GNL3L: variants seen among roughly 807,000 people sequenced by gnomAD.
The protein encoded by GNL3L is G protein nucleolar 3 like, also known as guanine nucleotide-binding protein-like 3-like protein.
Under a neutral mutation model 42.9 loss-of-function variants are expected in GNL3L, and 4 were observed. The observed-to-expected ratio is 0.09, with a 90% confidence interval of 0.05 to 0.21. The LOEUF is 0.21. Ranked by LOEUF, GNL3L falls within the 10% of genes least tolerant of loss-of-function variation. GNL3L has a pLI of 1.00. For missense variants in GNL3L, 412 were observed against 481.7 expected, an observed-to-expected ratio of 0.86 and a Z score of 1.36; for synonymous variants, 159 against 176.3, an observed-to-expected ratio of 0.90 and a Z score of 0.78.
At chrX:54,579,778 G>T (rs1256021549) in intron 16 of GNL3L, among the ~76,000 whole-genome samples, 2 of 111,059 alleles carry the variant, frequency 1.8e-5, no homozygotes, top group Non-Finnish European at 3.8e-5. Context: ...CCTGGGTTCA[G>T]TCGATTCTCC....
chrX:54,543,084 C>T, intron 6 of GNL3L, 46 bp downstream of exon 6: 1 of 1,087,039 alleles, frequency 9.2e-7, no homozygotes, highest in Non-Finnish European at 1.3e-6. Context: ...GGTTCCAGTC[C>T]AGCCCCTTTT....
At chrX:54,538,597 C>G (rs1305712378) in intron 2 of GNL3L, among the ~76,000 whole-genome samples, 1 of 111,683 alleles carries the variant, frequency 9.0e-6, no homozygotes, top group East Asian at 2.8e-4. Flanking sequence ...AGGCAATGGC[C>G]TGAGCAGGGT....
At chrX:54,612,625 A>G (rs1926176119) in intron 16 of GNL3L, among the ~76,000 whole-genome samples, 2 of 111,716 alleles carry the variant, frequency 1.8e-5, no homozygotes, top group Admixed American at 1.9e-4. Context: ...GTGGCTTGGT[A>G]ATGGTGAATT....
intron 16 of GNL3L, among the ~76,000 whole-genome samples, chrX:54,580,906 G>A (rs1925706056): frequency 9.0e-6 from 1 of 111,446 alleles, no homozygotes; most frequent in South Asian, 3.8e-4. Context: ...TCAGCCTCCC[G>A]AGTAGCCAGG....
chrX:54,607,068 CTTTCTCTTTCTTTCTTCTTTCTTTCT>C, intron 16 of GNL3L, among the ~76,000 whole-genome samples: 26 of 35,987 alleles, frequency 7.2e-4, no homozygotes, highest in Non-Finnish European at 1.1e-3. Context: ...TTCTTTCTTT[CTTTCTCTTTCTTTCTTCTTTCTTTCT>C]TTCTTTCTTT....
At chrX:54,601,242 CT>C (rs1356438470) in intron 16 of GNL3L, among the ~76,000 whole-genome samples, 1 of 111,125 alleles carries the variant, frequency 9.0e-6, no homozygotes. Context: ...TAAGGAGTTT[CT>C]TTTGGGGCTA....
rs145154395 is a variant in GNL3L at position 54,551,944 on chromosome X, C to T, written c.1151C>T (p.Ala384Val). The T allele has an allele frequency of 6.2e-4, 747 of 1,210,305 alleles. No homozygotes were observed. In the Middle Eastern group the frequency reaches 7.4e-3, roughly 12 times the overall value. The change falls in exon 12 of 16, where the codon GCG (alanine) becomes GTG (valine). Residue 384 changes from alanine (A) to valine (V), a missense_variant. Physicochemically the swap from Ala to Val is moderately conservative, Grantham distance 64 (BLOSUM62 0). Transcript: ENST00000360845. ...KKGGLYSQEQ[A>V]AKAVLADWVS... ...GGAGGCTTATATAGTCAGGAACAGG[C>T]GGCCAAAGCTGTCCTAGCTGACTGG...
chrX:54,575,926 A>G (rs1601999569), intron 16 of GNL3L, among the ~76,000 whole-genome samples: 2 of 111,851 alleles, frequency 1.8e-5, no homozygotes, highest in African/African-American at 6.5e-5. Flanking sequence ...AAAATGTATT[A>G]ATACTTATTC....
At chrX:54,606,531 A>G (rs1406861573) in intron 16 of GNL3L, among the ~76,000 whole-genome samples, 5 of 110,724 alleles carry the variant, frequency 4.5e-5, no homozygotes, top group African/African-American at 1.3e-4. Flanking sequence ...ACTGGAATGC[A>G]GTGGTGCAAT....
intron 8 of GNL3L, 140 bp downstream of exon 8, chrX:54,544,466 G>A (rs1329160171): frequency 2.6e-6 from 1 of 380,080 alleles, no homozygotes; most frequent in African/African-American, 2.8e-5. Flanking sequence ...GCTCCACCGA[G>A]TGACTTTTTT....
chrX:54,569,882 T>C (rs1441712074), downstream of GNL3L, among the ~76,000 whole-genome samples: 1 of 112,414 alleles, frequency 8.9e-6, no homozygotes, highest in African/African-American at 3.2e-5. Flanking sequence ...CTTTCTGCTA[T>C]TGACTTCTAA....
chrX:54,540,119 C>T lies in GNL3L; in HGVS notation c.82-16C>T, dbSNP rs1224610055. ...GGTTCATTACCTCTGTTTTTTTTCT[C>T]TTATGTGGTGGCCAGCCTGCAAAGC... On this transcript the variant is annotated splice_polypyrimidine_tract_variant and intron_variant, in intron 3 of 15. Coordinates refer to ENST00000360845, the MANE Select transcript of GNL3L (RefSeq NM_001184819.2). 8.9e-7 allele frequency: 1 copy of T among 1,120,801 alleles called. No individual in the cohort carries two copies. Among genetic ancestry groups the T allele is most frequent in the South Asian group, 1.9e-5 (1 of 53,760 alleles). The allele number at this position is 1,120,801 out of a possible 1,213,427, so 92.4% of individuals were successfully genotyped here. A position where few individuals can be genotyped will look rare whatever the true frequency, so the allele number is the denominator to read the frequency against.
intron 16 of GNL3L, among the ~76,000 whole-genome samples, chrX:54,573,481 T>TGGG (rs1569542346): frequency 1.8e-5 from 2 of 110,450 alleles, no homozygotes; most frequent in African/African-American, 6.7e-5. Context: ...CGGCTGGGCA[T>TGGG]GAGAGGGAGA....
chrX:54,551,780 C>G, intron 11 of GNL3L, 38 bp downstream of exon 11: 1 of 1,206,694 alleles, frequency 8.3e-7, no homozygotes, highest in South Asian at 1.8e-5. Context: ...CTGCCCTACT[C>G]TAAGGGCCCT....
At chrX:54,588,602 A>G (rs1925820869) in intron 16 of GNL3L, among the ~76,000 whole-genome samples, 1 of 111,148 alleles carries the variant, frequency 9.0e-6, no homozygotes, top group Admixed American at 9.6e-5. Flanking sequence ...AGGCGGGTGG[A>G]TCACTTGAGG....
chrX:54,536,559 C>T (rs1359782172), intron 2 of GNL3L, among the ~76,000 whole-genome samples: 1 of 109,598 alleles, frequency 9.1e-6, no homozygotes, highest in Non-Finnish European at 1.9e-5. Flanking sequence ...CCAAGGCGAG[C>T]CAATGACTTG....
chrX:54,609,145 G>A (rs1926134783), intron 16 of GNL3L, among the ~76,000 whole-genome samples: 1 of 112,141 alleles, frequency 8.9e-6, no homozygotes, highest in Non-Finnish European at 1.9e-5. Context: ...TTGGCCGTTT[G>A]TATATCTTCT....
chrX:54,609,095 C>G (rs2147533039), intron 16 of GNL3L, among the ~76,000 whole-genome samples: 1 of 112,134 alleles, frequency 8.9e-6, no homozygotes, highest in South Asian at 3.7e-4. Context: ...TTGCATTTCC[C>G]TGATCATTAG....
intron 16 of GNL3L, among the ~76,000 whole-genome samples, chrX:54,580,740 C>G (rs1164507335): frequency 8.9e-6 from 1 of 112,055 alleles, no homozygotes. Flanking sequence ...TTGCATTTCT[C>G]TGATGGTCTG....
Sources: allele counts gnomAD v4.1 joint callset (sites outside exome capture counted in the v4.1 genomes callset), GRCh38; gene constraint gnomAD v4.1.1; transcripts MANE v1.5; gene names NCBI Gene and HGNC (gene_info 2026-07-23, HGNC 2026-07-21).